The following SMAP1 variants were observed in gnomAD, a reference collection of about 807,000 sequenced individuals.
SMAP1 encodes stromal membrane-associated protein 1.
Under a neutral mutation model 58.5 loss-of-function variants are expected in SMAP1, and 24 were observed. That is an observed-to-expected ratio of 0.41 (90% CI 0.30 to 0.58). The LOEUF is 0.58. Ranked by LOEUF, SMAP1 falls within the 20% of genes least tolerant of loss-of-function variation. The pLI, the probability that SMAP1 is intolerant of heterozygous loss-of-function variation, is 0.29. For synonymous variants in SMAP1, 216 were observed against 196.6 expected (o/e 1.10, Z -0.82); for missense variants, 563 against 566.3 (o/e 0.99, Z 0.06).
intron 6 of SMAP1, among the ~76,000 whole-genome samples, chr6:70,810,145 G>T (rs946216035): frequency 9.2e-5 from 14 of 152,162 alleles, no homozygotes; most frequent in African/African-American, 3.1e-4. Context: ...ATTGGTAAAT[G>T]TATGTTTCCT....
intron 6 of SMAP1, among the ~76,000 whole-genome samples, chr6:70,801,291 A>G (rs943519981): frequency 2.0e-5 from 3 of 151,990 alleles, no homozygotes; most frequent in African/African-American, 4.8e-5. Flanking sequence ...ATTTTTTCAT[A>G]TATCTGTTGG....
intron 6 of SMAP1, among the ~76,000 whole-genome samples, chr6:70,818,629 C>G (rs1201336304): frequency 6.6e-6 from 1 of 152,114 alleles, no homozygotes; most frequent in Non-Finnish European, 1.5e-5. Context: ...GGCTTTCTAT[C>G]CCTCTTTTCC....
intron 1 of SMAP1, among the ~76,000 whole-genome samples, chr6:70,674,097 A>C (rs1766379054): frequency 6.6e-6 from 1 of 152,040 alleles, no homozygotes; most frequent in East Asian, 1.9e-4. Context: ...TTATAAACTC[A>C]AAAAAGTGCT....
At chr6:70,737,658 G>T in intron 2 of SMAP1, among the ~76,000 whole-genome samples, 1 of 152,126 alleles carries the variant, frequency 6.6e-6, no homozygotes. Flanking sequence ...TCTTTGTAGT[G>T]CTGTGGTGGC....
At chr6:70,798,962 A>G (rs747585652) in intron 6 of SMAP1, among the ~76,000 whole-genome samples, 2 of 152,012 alleles carry the variant, frequency 1.3e-5, no homozygotes, top group Non-Finnish European at 2.9e-5. Flanking sequence ...TTCCTTGGAG[A>G]CAGGTATTCT....
chr6:70,792,923 G>A (rs1049195563), intron 5 of SMAP1, among the ~76,000 whole-genome samples: 8 of 152,146 alleles, frequency 5.3e-5, no homozygotes, highest in Non-Finnish European at 1.0e-4. Flanking sequence ...GTGGTCATGG[G>A]TGAGGAAAAG....
At chr6:70,708,903 A>G (rs939485463) in intron 1 of SMAP1, among the ~76,000 whole-genome samples, 47 of 152,198 alleles carry the variant, frequency 3.1e-4, no homozygotes, top group African/African-American at 1.1e-3. Context: ...TTTTGCCCCA[A>G]TCTGTAGGCT....
chr6:70,699,700 T>A (rs1437217948), intron 1 of SMAP1, among the ~76,000 whole-genome samples: 1 of 152,034 alleles, frequency 6.6e-6, no homozygotes, highest in Non-Finnish European at 1.5e-5. Flanking sequence ...CTGTGGTGAG[T>A]ACTGCCTCGC....
intron 1 of SMAP1, among the ~76,000 whole-genome samples, chr6:70,674,124 CT>C (rs1450664096): frequency 6.8e-6 from 1 of 147,246 alleles, no homozygotes; most frequent in African/African-American, 2.5e-5. Context: ...TTTTTTTTTT[CT>C]TTTTTTTTCT....
intron 2 of SMAP1, among the ~76,000 whole-genome samples, chr6:70,750,715 C>T (rs1766239462): frequency 6.6e-6 from 1 of 151,996 alleles, no homozygotes; most frequent in South Asian, 2.1e-4. Flanking sequence ...AAAAACACAT[C>T]GATTATGGAT....
In SMAP1 at chr6:70,831,304, C is replaced by T. The variant is rs557120677; in HGVS notation, c.577-5637C>T. On this transcript the variant is annotated intron_variant, in intron 6 of 10. Coordinates refer to ENST00000370455, the MANE Select transcript of SMAP1 (RefSeq NM_001044305.3). ...TATTCTAGGTTTAGGGGTACATGTG[C>T]AGGTTTTAGTTATGTAGGTAAATTG... is the stretch of plus-strand genomic sequence containing the variant. Among the ~76,000 whole-genome samples the T allele has an allele frequency of 2.0e-3, 310 of 152,050 alleles. 1 individual carries two copies. Among genetic ancestry groups the T allele is most frequent in the African/African-American group, 6.1e-3 (253 of 41,484 alleles).
At chr6:70,673,231 C>T (rs371555315) in intron 1 of SMAP1, among the ~76,000 whole-genome samples, 12 of 152,192 alleles carry the variant, frequency 7.9e-5, no homozygotes, top group African/African-American at 2.2e-4. Context: ...CCACTGCTAC[C>T]GCTGCCCCAC....
chr6:70,716,074 T>G (rs1242373138), intron 1 of SMAP1, among the ~76,000 whole-genome samples: 1 of 152,256 alleles, frequency 6.6e-6, no homozygotes, highest in African/African-American at 2.4e-5. Context: ...TTCATTCCTT[T>G]CTATGGCTTA....
At chr6:70,784,922 G>A (rs1489477191) in intron 4 of SMAP1, among the ~76,000 whole-genome samples, 5 of 152,094 alleles carry the variant, frequency 3.3e-5, no homozygotes, top group Non-Finnish European at 7.3e-5. Context: ...AGGATACCCA[G>A]GAATAGAACT....
chr6:70,791,963 G>C (rs1299975474), intron 5 of SMAP1, among the ~76,000 whole-genome samples, 194 bp downstream of exon 5: 1 of 152,066 alleles, frequency 6.6e-6, no homozygotes. Context: ...TTTAATTTCA[G>C]AATGACTGAT....
At chr6:70,702,508 C>T (rs987834059) in intron 1 of SMAP1, among the ~76,000 whole-genome samples, 1 of 152,020 alleles carries the variant, frequency 6.6e-6, no homozygotes, top group Admixed American at 6.6e-5. Flanking sequence ...CAGTGTAGTT[C>T]TTATCCCAGT....
intron 3 of SMAP1, chr6:70,773,027 A>G (rs552472928): frequency 7.9e-6 from 2 of 254,108 alleles, no homozygotes; most frequent in East Asian, 2.6e-4. Flanking sequence ...AAAACCCCAA[A>G]TGAACCTGAA....
chr6:70,855,112 C>CATATACATAT (rs1771356429), intron 8 of SMAP1, among the ~76,000 whole-genome samples: 1 of 51,700 alleles, frequency 1.9e-5, no homozygotes, highest in East Asian at 7.9e-4. Context: ...ATACATATAC[C>CATATACATAT]AACAGTACCT....
intron 1 of SMAP1, among the ~76,000 whole-genome samples, chr6:70,673,946 C>G (rs996268361): frequency 2.6e-5 from 4 of 152,030 alleles, no homozygotes; most frequent in Non-Finnish European, 5.9e-5. Context: ...TACTTGACTT[C>G]ATTAATTAAG....
Sources: allele counts gnomAD v4.1 joint callset (sites outside exome capture counted in the v4.1 genomes callset), GRCh38; gene constraint gnomAD v4.1.1; transcripts MANE v1.5; gene names NCBI Gene and HGNC (gene_info 2026-07-23, HGNC 2026-07-21).